The following CCSER1 variants were observed in gnomAD, a reference collection of about 807,000 sequenced individuals.
The protein encoded by CCSER1 is serine-rich coiled-coil domain-containing protein 1.
Under a neutral mutation model 82.0 loss-of-function variants are expected in CCSER1, and 41 were observed. That is an observed-to-expected ratio of 0.50 (90% CI 0.39 to 0.65). The LOEUF (loss-of-function observed/expected upper bound fraction) is 0.65. Ranked by LOEUF, CCSER1 falls within the 30% of genes least tolerant of loss-of-function variation. The probability of loss-of-function intolerance (pLI) is 0.00; values close to 1 mark genes in which losing one functional copy is unlikely to be tolerated. For synonymous variants in CCSER1, 414 were observed against 383.9 expected, an observed-to-expected ratio of 1.08 and a Z score of -0.92; for missense variants, 1,119 against 1,064.2, an observed-to-expected ratio of 1.05 and a Z score of -0.72.
intron 10 of CCSER1, among the ~76,000 whole-genome samples, chr4:91,174,382 T>C (rs1733085393): frequency 6.6e-6 from 1 of 152,188 alleles, no homozygotes. Context: ...TGCAAGAGTA[T>C]AATTATAACT....
chr4:90,662,469 TC>T, intron 6 of CCSER1, among the ~76,000 whole-genome samples: 1 of 152,238 alleles, frequency 6.6e-6, no homozygotes, highest in Middle Eastern at 3.4e-3. Flanking sequence ...CTAATTGATC[TC>T]TAAAATTTTC....
intron 9 of CCSER1, among the ~76,000 whole-genome samples, chr4:91,023,439 G>T (rs1036743503): frequency 6.6e-6 from 1 of 152,156 alleles, no homozygotes; most frequent in Non-Finnish European, 1.5e-5. Flanking sequence ...AAACAGGATG[G>T]TACTGGTACC....
rs143755959 is a variant in CCSER1, at chr4:90,417,245, G to T, written c.1603+17116G>T. ...ATAAAAAAAATTTAAAAAAACCAATGCATTTAAATGCATGAACTTTTTTTC... is the reference window on the plus strand; with the variant it reads ...ATAAAAAAAATTTAAAAAAACCAATTCATTTAAATGCATGAACTTTTTTTC... On this transcript the variant is annotated intron_variant, in intron 4 of 10. Coordinates refer to ENST00000509176, the MANE Select transcript of CCSER1 (RefSeq NM_001145065.2). 9.0e-3 allele frequency among the ~76,000 whole-genome samples: 1,364 copies of T among 151,966 alleles called. 10 individuals are homozygous for T. Among genetic ancestry groups the T allele is most frequent in the Non-Finnish European group, 0.015 (992 of 67,974 alleles).
intron 9 of CCSER1, among the ~76,000 whole-genome samples, chr4:91,059,196 A>G (rs1397860232): frequency 1.3e-5 from 2 of 151,668 alleles, no homozygotes; most frequent in Admixed American, 6.6e-5. Flanking sequence ...TATTCTGTCT[A>G]TATTATTCAT....
intron 10 of CCSER1, among the ~76,000 whole-genome samples, chr4:91,456,059 T>C (rs1578502571): frequency 6.6e-6 from 1 of 152,198 alleles, no homozygotes; most frequent in Middle Eastern, 3.4e-3. Context: ...TTTTATGAAC[T>C]AGGTGTCTTG....
At chr4:90,225,226 G>A (rs1378578366) in intron 1 of CCSER1, among the ~76,000 whole-genome samples, 12 of 112,142 alleles carry the variant, frequency 1.1e-4, no homozygotes, top group Non-Finnish European at 1.5e-4. Context: ...CAGCATACCC[G>A]GCTAATTTTT....
chr4:90,710,050 C>CT, intron 6 of CCSER1, among the ~76,000 whole-genome samples: 1 of 149,690 alleles, frequency 6.7e-6, no homozygotes, highest in African/African-American at 2.5e-5. Flanking sequence ...TGATGTTGAG[C>CT]TTTTTTGTTT....
chr4:90,169,410 T>C (rs1731204812), intron 1 of CCSER1, among the ~76,000 whole-genome samples: 1 of 152,140 alleles, frequency 6.6e-6, no homozygotes, highest in South Asian at 2.1e-4. Flanking sequence ...TATACAATCA[T>C]GTCATCTGCA....
intron 9 of CCSER1, among the ~76,000 whole-genome samples, chr4:91,059,891 A>G (rs1743811727): frequency 1.3e-5 from 2 of 152,134 alleles, no homozygotes; most frequent in South Asian, 4.1e-4. Flanking sequence ...AAATCTCCTC[A>G]TTAGTCTGAG....
intron 10 of CCSER1, among the ~76,000 whole-genome samples, chr4:91,593,201 T>C (rs1764349078): frequency 6.6e-6 from 1 of 152,148 alleles, no homozygotes; most frequent in Non-Finnish European, 1.5e-5. Context: ...TTACAATCAA[T>C]GCTTTTAACC....
At chr4:90,780,468 AC>A in intron 7 of CCSER1, 1 of 1,612,542 alleles carries the variant, frequency 6.2e-7, no homozygotes, top group Non-Finnish European at 8.5e-7. Context: ...AATTCTGAAA[AC>A]CTGACTAACA....
intron 7 of CCSER1, among the ~76,000 whole-genome samples, chr4:90,753,321 A>G (rs766209966): frequency 6.6e-6 from 1 of 152,176 alleles, no homozygotes; most frequent in Non-Finnish European, 1.5e-5. Flanking sequence ...AACAGAAGGT[A>G]TGGAGAGCTT....
intron 5 of CCSER1, among the ~76,000 whole-genome samples, chr4:90,485,494 T>C (rs1455657437): frequency 1.3e-5 from 2 of 151,440 alleles, no homozygotes; most frequent in African/African-American, 4.9e-5. Flanking sequence ...ACTGGAGCTG[T>C]TCCTATTCGG....
intron 10 of CCSER1, among the ~76,000 whole-genome samples, chr4:91,270,632 C>T (rs963144325): frequency 5.9e-5 from 9 of 152,102 alleles, no homozygotes; most frequent in Non-Finnish European, 8.8e-5. Flanking sequence ...CATACTCATC[C>T]TGATTATACA....
chr4:90,872,196 G>A (rs945402248), intron 8 of CCSER1, among the ~76,000 whole-genome samples: 8 of 151,630 alleles, frequency 5.3e-5, no homozygotes, highest in Admixed American at 1.3e-4. Flanking sequence ...ATTTACTACT[G>A]CCATTTTGTT....
At chr4:91,162,832 T>G (rs1731575999) in intron 10 of CCSER1, among the ~76,000 whole-genome samples, 1 of 152,204 alleles carries the variant, frequency 6.6e-6, no homozygotes, top group Non-Finnish European at 1.5e-5. Context: ...TTCTTCTTTA[T>G]TAGTCTGGCT....
At chr4:90,838,888 G>T in intron 8 of CCSER1, 1 of 1,613,048 alleles carries the variant, frequency 6.2e-7, no homozygotes, top group African/African-American at 1.3e-5. Context: ...GTGCATATTG[G>T]CGGCGCACGC....
intron 5 of CCSER1, among the ~76,000 whole-genome samples, chr4:90,590,383 C>A (rs1782544711): frequency 6.6e-6 from 1 of 152,044 alleles, no homozygotes; most frequent in African/African-American, 2.4e-5. Context: ...AGTTCAAGAC[C>A]AGCCTCACCA....
At chr4:90,148,469 G>T (rs1726225411) in intron 1 of CCSER1, among the ~76,000 whole-genome samples, 1 of 152,068 alleles carries the variant, frequency 6.6e-6, no homozygotes, top group African/African-American at 2.4e-5. Context: ...AAGGCACAAA[G>T]AAATGCATAT....
Sources: allele counts gnomAD v4.1 joint callset (sites outside exome capture counted in the v4.1 genomes callset), GRCh38; gene constraint gnomAD v4.1.1; transcripts MANE v1.5; gene names NCBI Gene and HGNC (gene_info 2026-07-23, HGNC 2026-07-21).